Variants in POLQ observed in about 807,000 individuals in gnomAD.
POLQ encodes the protein epididymis secretory sperm binding protein.
POLQ carries 233 observed loss-of-function variants against 259.2 expected under a neutral mutation model. That is an observed-to-expected ratio of 0.90 (90% CI 0.81 to 1.00). The LOEUF (loss-of-function observed/expected upper bound fraction) is 1.00. Among genes scored for constraint, POLQ ranks in the 50% least tolerant of loss-of-function variants. The pLI is 0.00. For synonymous variants in POLQ, 1,025 were observed against 1,048.8 expected, an observed-to-expected ratio of 0.98 and a Z score of 0.44; for missense variants, 2,871 against 3,051.6, an observed-to-expected ratio of 0.94 and a Z score of 1.39.
At position 121,488,264 on chromosome 3, in the gene POLQ, A is replaced by G. The variant is rs990954993; in HGVS notation, c.4667T>C (p.Ile1556Thr). The G allele has an allele frequency of 1.9e-6, 3 of 1,612,906 alleles. No individual in the cohort carries two copies. The East Asian group carries it at 6.7e-5, about 36-fold the overall frequency. Residue 1556 changes from isoleucine (I) to threonine (T), a missense_variant, in exon 16 of 30, where the codon ATT (isoleucine) becomes ACT (threonine). Around this residue, in one of 3 missense-constraint regions of POLQ, gnomAD observed 2,080 missense variants for 2,126.0 expected, o/e 0.98. Coordinates refer to ENST00000264233, the MANE Select transcript of POLQ (RefSeq NM_199420.4). ...AACAGAATCCATTTCTGAAAATATAATAGATTCATCATTGGAACAAGTCAA... is the reference window on the plus strand; with the variant it reads ...AACAGAATCCATTTCTGAAAATATAGTAGATTCATCATTGGAACAAGTCAA... Reference protein sequence around the residue: ...QQLTCSNDESIIFSEMDSVQM... With the variant: ...QQLTCSNDESTIFSEMDSVQM...
At chr3:121,444,001 T>C (rs1040749640) in intron 26 of POLQ, among the ~76,000 whole-genome samples, 39 of 152,224 alleles carry the variant, frequency 2.6e-4, no homozygotes, top group Admixed American at 2.2e-3. Context: ...TGTAGCATAA[T>C]TCGAAGTCAG....
Position 121,510,044 on chromosome 3 carries a change from G to A in POLQ, c.1811C>T (p.Thr604Ile). 2 of 1,612,232 alleles carry A rather than the reference G, an allele frequency of 1.2e-6. No homozygotes were observed. The change falls in exon 11 of 30, where the codon ACA (threonine) becomes ATA (isoleucine). Residue 604 changes from threonine to isoleucine, a missense_variant. Around this residue, in one of 3 missense-constraint regions of POLQ, gnomAD observed 783 missense variants for 906.2 expected, o/e 0.86. Coordinates refer to ENST00000264233, the MANE Select transcript of POLQ (RefSeq NM_199420.4). ...AACTGAGAAGTCACACTTACCTTCTGTTCCATCACTGGCTTCTGTACTCTG... is the reference window on the plus strand; with the variant it reads ...AACTGAGAAGTCACACTTACCTTCTATTCCATCACTGGCTTCTGTACTCTG... The part of the protein sequence containing the change: ...FIQSTEASDG[T>I]EGKVYHPTHL...
intron 5 of POLQ, among the ~76,000 whole-genome samples, chr3:121,536,536 A>T (rs2048452939): frequency 6.6e-6 from 1 of 152,218 alleles, no homozygotes; most frequent in African/African-American, 2.4e-5. Flanking sequence ...ACAAATACAG[A>T]AACTAGATTT....
chr3:121,532,858 C>T (rs2048421271), intron 6 of POLQ, 132 bp downstream of exon 6: 2 of 628,832 alleles, frequency 3.2e-6, no homozygotes, highest in South Asian at 2.5e-5. Context: ...AAGAGGAAAC[C>T]AGTTAGCTTA....
intron 9 of POLQ, among the ~76,000 whole-genome samples, chr3:121,515,187 G>A (rs1162605135): frequency 6.6e-6 from 1 of 152,058 alleles, no homozygotes; most frequent in Non-Finnish European, 1.5e-5. Context: ...TATTTTTAGA[G>A]GTGGGATCTC....
chr3:121,450,908 G>C (rs1005319074), intron 25 of POLQ, among the ~76,000 whole-genome samples: 3 of 151,972 alleles, frequency 2.0e-5, no homozygotes, highest in African/African-American at 7.3e-5. Flanking sequence ...CCATTCTCCC[G>C]GTCACTTTCA....
At chr3:121,468,667 A>C (rs1462609814) in intron 22 of POLQ, among the ~76,000 whole-genome samples, 1 of 152,220 alleles carries the variant, frequency 6.6e-6, no homozygotes, top group African/African-American at 2.4e-5. Flanking sequence ...TTTACACAGA[A>C]AACCATCGCA....
intron 16 of POLQ, 22 bp from the exon 17 acceptor site, chr3:121,485,206 C>G: frequency 6.7e-7 from 1 of 1,496,270 alleles, no homozygotes; most frequent in Non-Finnish European, 9.1e-7. Flanking sequence ...AAAAGTGAAA[C>G]AGTTAAAAAT....
At chr3:121,442,870 T>C (rs1218217734) in intron 26 of POLQ, among the ~76,000 whole-genome samples, 3 of 152,164 alleles carry the variant, frequency 2.0e-5, no homozygotes, top group African/African-American at 7.2e-5. Context: ...TTGTTTTGTT[T>C]TGTTTTTGAG....
At chr3:121,461,703 A>C (rs1278206203) in intron 24 of POLQ, among the ~76,000 whole-genome samples, 7 of 152,086 alleles carry the variant, frequency 4.6e-5, no homozygotes, top group Non-Finnish European at 7.4e-5. Context: ...AGCAAGGTAC[A>C]CAATAATGTA....
At chr3:121,533,277 A>C in intron 5 of POLQ, 68 bp from the exon 6 acceptor site, 1 of 1,068,232 alleles carries the variant, frequency 9.4e-7, no homozygotes, top group Non-Finnish European at 1.3e-6. Context: ...GTTGCTAACA[A>C]TATTCTTGGT....
Position 121,481,812 on chromosome 3 carries a change from C to T in POLQ, c.5971G>A (p.Val1991Met), listed in dbSNP as rs995374546. The T allele has an allele frequency of 4.4e-6, 7 of 1,607,670 alleles. No homozygotes were observed. The East Asian group carries it at 1.6e-4, about 36-fold the overall frequency. ...TCTGGATCTAGTAACCAGCATGCCA[C>T]CTGAATGGGATAGCAATGAGAATAT... is the stretch of plus-strand genomic sequence containing the variant. The part of the protein sequence containing the change: ...SLEQSYEDPK[V>M]ACWLLDPDSQ... Residue 1991 changes from valine to methionine, a missense_variant and splice_region_variant, in exon 19 of 30, where the codon GTG (valine) becomes ATG (methionine). By Grantham distance (21) the Val-to-Met change is conservative. Coordinates refer to ENST00000264233, the MANE Select transcript of POLQ (RefSeq NM_199420.4).
intron 7 of POLQ, among the ~76,000 whole-genome samples, chr3:121,528,207 C>T (rs551746778): frequency 3.9e-4 from 60 of 152,022 alleles, no homozygotes; most frequent in African/African-American, 1.2e-3. Flanking sequence ...CTGCAGCCTC[C>T]ACCTCCCAGG....
chr3:121,531,996 G>T (rs529054889), intron 6 of POLQ, among the ~76,000 whole-genome samples: 1 of 152,164 alleles, frequency 6.6e-6, no homozygotes, highest in Non-Finnish European at 1.5e-5. Flanking sequence ...CACAAAAACA[G>T]CAGATGCCTC....
chr3:121,515,480 C>T (rs488636), intron 9 of POLQ, among the ~76,000 whole-genome samples: 119,481 of 151,484 alleles, frequency 0.79, 47,238 homozygotes, highest in East Asian at 0.89. Context: ...AGCCAAGAGG[C>T]GATTGCAGTT....
intron 8 of POLQ, among the ~76,000 whole-genome samples, chr3:121,520,499 G>A (rs2048329730): frequency 6.6e-6 from 1 of 152,166 alleles, no homozygotes; most frequent in Non-Finnish European, 1.5e-5. Context: ...TCACATCACT[G>A]CACTCCAGCC....
At chr3:121,483,323 C>T in intron 18 of POLQ, 63 bp downstream of exon 18, 1 of 875,134 alleles carries the variant, frequency 1.1e-6, no homozygotes, top group Non-Finnish European at 1.7e-6. Context: ...AATACCAAGT[C>T]ATTTAAGAAT....
chr3:121,449,780 T>A (rs2047658652), intron 25 of POLQ, among the ~76,000 whole-genome samples: 1 of 152,040 alleles, frequency 6.6e-6, no homozygotes, highest in Non-Finnish European at 1.5e-5. Context: ...TGCCTAGGAG[T>A]CAGGGAAGAG....
chr3:121,488,811 G>T lies in POLQ; in HGVS notation c.4120C>A (p.Pro1374Thr), dbSNP rs896320412. ...MNSFQKECHI[P>T]FPAEQHPLGA... Reference sequence around the variant, plus strand: ...AGAGGGTGCTGTTCAGCAGGAAAAGGAATGTGACACTCCTTCTGAAAAGAG... The same window carrying T: ...AGAGGGTGCTGTTCAGCAGGAAAAGTAATGTGACACTCCTTCTGAAAAGAG... Residue 1374 changes from proline to threonine, a missense_variant, in exon 16 of 30, where the codon CCT becomes ACT. By Grantham distance (38) the Pro-to-Thr change is conservative. Transcript: ENST00000264233. The T allele has an allele frequency of 6.2e-7, 1 of 1,613,940 alleles. No individual in the cohort carries two copies. Among genetic ancestry groups the T allele is most frequent in the African/African-American group, 1.3e-5 (1 of 75,034 alleles).
Sources: gnomAD v4.1 joint callset for allele counts (sites outside exome capture counted in the v4.1 genomes callset) on GRCh38, gnomAD v4.1.1 for gene constraint, gnomAD v4.1.1 regional missense constraint, MANE v1.5 for transcripts, NCBI Gene and HGNC (gene_info 2026-07-23, HGNC 2026-07-21) for gene names.